Variants in F13A1 observed in about 807,000 individuals in gnomAD.
F13A1 encodes the protein FSF, A subunit.
In F13A1, 47 loss-of-function variants were observed where a neutral mutation model predicts 80.1. The ratio of observed to expected loss-of-function variants is 0.59; its 90% CI spans 0.46 to 0.75. The LOEUF (loss-of-function observed/expected upper bound fraction) is 0.75, where lower values mean the gene tolerates loss of function less well. Among genes scored for constraint, F13A1 ranks in the 30% least tolerant of loss-of-function variants. F13A1 has a pLI of 0.00. For synonymous variants in F13A1, 349 were observed against 344.9 expected (o/e 1.01, Z -0.13); for missense variants, 817 against 930.4 (o/e 0.88, Z 1.59).
intron 3 of F13A1, among the ~76,000 whole-genome samples, chr6:6,301,846 C>T (rs1758436937): frequency 6.6e-6 from 1 of 152,162 alleles, no homozygotes; most frequent in Non-Finnish European, 1.5e-5. Context: ...CAGGCCCATG[C>T]CCTTGGCTCA....
chr6:6,180,754 A>C (rs1003610889), intron 11 of F13A1, among the ~76,000 whole-genome samples: 1 of 152,204 alleles, frequency 6.6e-6, no homozygotes, highest in Non-Finnish European at 1.5e-5. Context: ...CAGATAACAA[A>C]AATTCTGACT....
chr6:6,245,717 T>C (rs1023761236), intron 6 of F13A1, among the ~76,000 whole-genome samples: 8 of 152,160 alleles, frequency 5.3e-5, no homozygotes, highest in African/African-American at 1.9e-4. Context: ...CCAGCTCCAC[T>C]CTCTCCAGAT....
At chr6:6,158,599 G>A (rs943509781) in intron 13 of F13A1, among the ~76,000 whole-genome samples, 3 of 152,092 alleles carry the variant, frequency 2.0e-5, no homozygotes, top group Non-Finnish European at 4.4e-5. Context: ...TCCCATCCCC[G>A]GCCTCCCCAT....
In F13A1 at chr6:6,215,242, G is replaced by C. The variant is rs1761702020; in HGVS notation, c.1112+6791C>G. 1.5e-5 allele frequency among the ~76,000 whole-genome samples: 2 copies of C among 131,066 alleles called. 1 individual carries two copies. The allele number at this position is 131,066 out of a possible 152,430, so 86.0% of individuals were successfully genotyped here. On this transcript the variant is annotated intron_variant, in intron 8 of 14. Transcript: ENST00000264870. Reference sequence around the variant, plus strand: ...GACACAACAAAAAAAGAGAATTTTAGACCAATATCCTTGATGAACATTGAT... The same window carrying C: ...GACACAACAAAAAAAGAGAATTTTACACCAATATCCTTGATGAACATTGAT...
intron 8 of F13A1, among the ~76,000 whole-genome samples, chr6:6,213,061 C>T (rs889666381): frequency 1.9e-4 from 29 of 152,280 alleles, no homozygotes; most frequent in Non-Finnish European, 4.0e-4. Context: ...GATTGGTGTA[C>T]CTGAAAGTGA....
At chr6:6,297,021 TTG>T (rs1414918767) in intron 3 of F13A1, among the ~76,000 whole-genome samples, 1 of 146,818 alleles carries the variant, frequency 6.8e-6, no homozygotes, top group East Asian at 1.9e-4. Context: ...GTTTTTGTCT[TTG>T]GTTCTGTTTA....
At chr6:6,156,126 A>G (rs146358757) in intron 13 of F13A1, among the ~76,000 whole-genome samples, 2 of 152,282 alleles carry the variant, frequency 1.3e-5, no homozygotes, top group Non-Finnish European at 2.9e-5. Context: ...TGATGGCCTT[A>G]AGTTTTTCTC....
chr6:6,317,209 C>G (rs577159552), intron 2 of F13A1, among the ~76,000 whole-genome samples: 1 of 152,310 alleles, frequency 6.6e-6, no homozygotes, highest in South Asian at 2.1e-4. Flanking sequence ...AAGAAAAAGA[C>G]TCGTAGACTG....
chr6:6,300,768 C>G (rs184295217), intron 3 of F13A1, among the ~76,000 whole-genome samples: 1 of 152,042 alleles, frequency 6.6e-6, no homozygotes, highest in East Asian at 1.9e-4. Context: ...GCTCCTCCCC[C>G]CGAGATTCTT....
At chr6:6,171,072 C>A (rs1179104783) in intron 12 of F13A1, among the ~76,000 whole-genome samples, 1 of 152,080 alleles carries the variant, frequency 6.6e-6, no homozygotes, top group Non-Finnish European at 1.5e-5. Context: ...CAAGCTCATT[C>A]TTTAATTGGA....
intron 6 of F13A1, among the ~76,000 whole-genome samples, chr6:6,245,683 G>A (rs559826871): frequency 2.0e-5 from 3 of 152,106 alleles, no homozygotes; most frequent in African/African-American, 7.2e-5. Context: ...GGCCCCAGTC[G>A]TGTGCTCTGC....
chr6:6,250,886 A>T lies in F13A1; in HGVS notation c.615T>A (p.Tyr205Ter). The T allele has an allele frequency of 6.2e-7, 1 of 1,613,482 alleles. No homozygotes were observed. The highest frequency in any genetic ancestry group is 8.5e-7 in the Non-Finnish European group (1 of 1,179,590). ...YLDNEKEREE[Y>*]VLNDIGVIFY... ...AAATTACCCCGATGTCATTCAGGAC[A>T]TACTCTTCTCTTTCTTTCTCATTGT... Residue 205 changes from tyrosine (Y) to a stop codon, truncating the protein, a stop_gained, in exon 5 of 15, where the codon TAT becomes TAA. Coordinates refer to ENST00000264870, the MANE Select transcript of F13A1 (RefSeq NM_000129.4). LOFTEE classifies it high-confidence loss of function. This position sits in a 1 kb window ranked among gnomAD's most constrained non-coding sequence, Gnocchi z 4.2.
intron 13 of F13A1, among the ~76,000 whole-genome samples, chr6:6,160,446 C>T (rs1366627019): frequency 1.3e-5 from 2 of 151,876 alleles, no homozygotes; most frequent in South Asian, 4.2e-4. Flanking sequence ...AAGTGATTCT[C>T]CTGCCTCAAC....
intron 13 of F13A1, among the ~76,000 whole-genome samples, chr6:6,154,511 G>A (rs1395994017): frequency 6.6e-6 from 1 of 152,166 alleles, no homozygotes; most frequent in East Asian, 1.9e-4. Flanking sequence ...TGCATGCCAG[G>A]AGCAGCCCCG....
chr6:6,179,391 C>A (rs1304380243), intron 11 of F13A1, among the ~76,000 whole-genome samples: 1 of 152,170 alleles, frequency 6.6e-6, no homozygotes, highest in African/African-American at 2.4e-5. Context: ...AGTCCTAAAT[C>A]TAGTAATAAT....
intron 10 of F13A1, among the ~76,000 whole-genome samples, chr6:6,186,352 T>C (rs1182226914): frequency 2.0e-5 from 3 of 152,228 alleles, no homozygotes; most frequent in African/African-American, 4.8e-5. Flanking sequence ...TTTTATGGTA[T>C]AAGGTCTAAC....
At chr6:6,317,603 A>G (rs948671756) in intron 2 of F13A1, among the ~76,000 whole-genome samples, 1 of 151,998 alleles carries the variant, frequency 6.6e-6, no homozygotes, top group African/African-American at 2.4e-5. Context: ...TCCCTTTGCT[A>G]TATGGAGAGC....
intron 10 of F13A1, among the ~76,000 whole-genome samples, chr6:6,192,516 A>G (rs2031646): frequency 0.16 from 23,794 of 152,236 alleles, 2,000 homozygotes; most frequent in Middle Eastern, 0.23. Flanking sequence ...AATAATTCCA[A>G]AGTTTTGTAT....
In F13A1 at chr6:6,304,221, G is replaced by GTT. The variant is rs111534580; in HGVS notation, c.319+1128_319+1129dup. On this transcript the variant is annotated intron_variant, in intron 3 of 14. Transcript: ENST00000264870. Reference sequence around the variant, plus strand: ...AAGCAATCTTTATTATCATTGAGGTGTTTTTTTTCTAAATTTTTCCCCTTA... The same window carrying GTT: ...AAGCAATCTTTATTATCATTGAGGTGTTTTTTTTTTCTAAATTTTTCCCCTTA... 2.6e-5 allele frequency among the ~76,000 whole-genome samples: 4 copies of GTT among 151,542 alleles called. No individual in the cohort carries two copies. The East Asian group carries it at 5.8e-4, about 22-fold the overall frequency.
Sources: gnomAD v4.1 joint callset for allele counts (sites outside exome capture counted in the v4.1 genomes callset) on GRCh38, gnomAD v4.1.1 for gene constraint, Gnocchi (gnomAD v3.1) non-coding constraint, MANE v1.5 for transcripts, NCBI Gene and HGNC (gene_info 2026-07-23, HGNC 2026-07-21) for gene names.